The following PTPRF variants were observed in gnomAD, a reference collection of about 807,000 sequenced individuals.
The protein encoded by PTPRF is protein tyrosine phosphatase receptor type F.
In PTPRF, 59 loss-of-function variants were observed where a neutral mutation model predicts 201.8. The ratio of observed to expected loss-of-function variants is 0.29; its 90% CI spans 0.24 to 0.36. The LOEUF (loss-of-function observed/expected upper bound fraction) is 0.36. Ranked by LOEUF, PTPRF falls within the 10% of genes least tolerant of loss-of-function variation. The pLI, the probability that PTPRF is intolerant of heterozygous loss-of-function variation, is 1.00. For synonymous variants in PTPRF, 1,088 were observed against 1,089.7 expected, an observed-to-expected ratio of 1.00 and a Z score of 0.03; for missense variants, 2,132 against 2,690.5, an observed-to-expected ratio of 0.79 and a Z score of 4.59.
intron 11 of PTPRF, among the ~76,000 whole-genome samples, chr1:43,596,571 C>T (rs1034792597): frequency 5.3e-5 from 8 of 152,146 alleles, no homozygotes; most frequent in African/African-American, 1.9e-4. Context: ...TTTTTCTCCA[C>T]GCCAGGGGCT....
chr1:43,569,710 C>A lies in PTPRF; in HGVS notation c.500C>A (p.Ser167Tyr). The change falls in exon 6 of 34, where the codon TCT (serine) becomes TAT (tyrosine). Residue 167 changes from serine to tyrosine, a missense_variant. Ser to Tyr is a moderately radical substitution (Grantham distance 144). Coordinates refer to ENST00000359947, the MANE Select transcript of PTPRF (RefSeq NM_002840.5). Reference protein sequence around the residue: ...AAGGNPDPEISWFKDFLPVDP... With the variant: ...AAGGNPDPEIYWFKDFLPVDP... The stretch of plus-strand genomic sequence containing the variant: ...GGCGGAAATCCAGACCCTGAGATTT[C>A]TTGGTTCAAGGACTTCCTTCCTGTA... 1 of 1,614,086 alleles carries A rather than the reference C, an allele frequency of 6.2e-7. No individual in the cohort carries two copies. The highest frequency in any genetic ancestry group is 1.1e-5 in the South Asian group (1 of 91,070).
At position 43,589,019 on chromosome 1, in the gene PTPRF, G is replaced by A. The variant is rs748263180; in HGVS notation, c.949+19G>A. The A allele has an allele frequency of 2.0e-6, 3 of 1,526,340 alleles. No individual in the cohort carries two copies. Among genetic ancestry groups the A allele is most frequent in the Non-Finnish European group, 2.6e-6 (3 of 1,132,352 alleles). 94.5% of individuals were successfully genotyped at this position (1,526,340 alleles called of 1,614,324 possible). ...GTGAAAGGTGAGTGTGGCAGGTGCTGTAACCAGTGCCCTCCCTGTCATCTG... is the reference window on the plus strand; with the variant it reads ...GTGAAAGGTGAGTGTGGCAGGTGCTATAACCAGTGCCCTCCCTGTCATCTG... On this transcript the variant is annotated intron_variant, in intron 8 of 33. Coordinates refer to ENST00000359947, the MANE Select transcript of PTPRF (RefSeq NM_002840.5).
At chr1:43,594,915 G>C (rs1333307782) in intron 11 of PTPRF, among the ~76,000 whole-genome samples, 2 of 152,184 alleles carry the variant, frequency 1.3e-5, no homozygotes, top group Non-Finnish European at 2.9e-5. Flanking sequence ...GGAAATCAGG[G>C]GAGGGGAGCG....
rs143564361 is a variant in PTPRF at position 43,542,658 on chromosome 1, G to A, written c.-45-2373G>A. Among the ~76,000 whole-genome samples, 5 of 152,194 alleles carry A rather than the reference G, an allele frequency of 3.3e-5. No homozygotes were observed. Among genetic ancestry groups the A allele is most frequent in the Admixed American group, 3.3e-4 (5 of 15,296 alleles). On this transcript the variant is annotated intron_variant, in intron 2 of 33. Transcript: ENST00000359947. The surrounding 1 kb of genome is among the most constrained non-coding windows in gnomAD (Gnocchi z 5.2). The stretch of plus-strand genomic sequence containing the variant: ...GTCTGTAACAGCACGTTACACCTCT[G>A]CTAATGTATGGGGAGTTGCACCCCT...
intron 5 of PTPRF, among the ~76,000 whole-genome samples, chr1:43,557,187 T>C (rs546369932): frequency 2.1e-4 from 32 of 152,316 alleles, no homozygotes; most frequent in South Asian, 1.7e-3. Context: ...CTTGTTAGTA[T>C]TGAAAGAGGA....
chr1:43,568,382 C>T (rs1646334758), intron 5 of PTPRF, among the ~76,000 whole-genome samples: 1 of 152,210 alleles, frequency 6.6e-6, no homozygotes, highest in South Asian at 2.1e-4. Context: ...AGGGAGTTCC[C>T]GACTCTAGTC....
chr1:43,592,570 C>A lies in PTPRF; in HGVS notation c.1782C>A (p.Thr594=). Residue 594 remains threonine, a synonymous_variant, in exon 11 of 34, where the codon ACC becomes ACA. Transcript: ENST00000359947. ...CGGATATGGGGGTGGGCGTCTTCAC[C>A]CCCACCATTGAGGCCCGCACAGCCC... ...ARSDMGVGVF[T]PTIEARTAQS... The A allele has an allele frequency of 6.2e-7, 1 of 1,607,152 alleles. No homozygotes were observed. The highest frequency in any genetic ancestry group is 1.1e-5 in the South Asian group (1 of 90,134).
Position 43,545,153 on chromosome 1 carries a change from C to A in PTPRF, c.78C>A (p.Gly26=). 1.9e-6 allele frequency: 3 copies of A among 1,580,470 alleles called. No homozygotes were observed. Among genetic ancestry groups the A allele is most frequent in the Non-Finnish European group, 2.6e-6 (3 of 1,162,836 alleles). Residue 26 remains glycine, a synonymous_variant, in exon 3 of 34, where the codon GGC becomes GGA. Coordinates refer to ENST00000359947, the MANE Select transcript of PTPRF (RefSeq NM_002840.5). The stretch of plus-strand genomic sequence containing the variant: ...TGGTGATGCTTGGTTTGGTGGCAGG[C>A]GCCCATGGTGACAGTAAGTCTGACC... ...PALVMLGLVA[G]AHGDSKPVFI...
At chr1:43,522,075 C>T (rs1642972252), upstream of PTPRF, among the ~76,000 whole-genome samples, 1 of 152,216 alleles carries the variant, frequency 6.6e-6, no homozygotes, top group Non-Finnish European at 1.5e-5. Context: ...CTTCCAAGAA[C>T]ATGGCCTGAA....
chr1:43,532,442 T>G (rs1318787034), intron 1 of PTPRF: 1 of 153,624 alleles, frequency 6.5e-6, no homozygotes, highest in Middle Eastern at 1.5e-3. Context: ...AAGGCTCCAC[T>G]TTTGAAGGAA....
Position 43,606,447 on chromosome 1 carries a change from C to A in PTPRF, c.3691C>A (p.Pro1231Thr). 1 of 1,613,368 alleles carries A rather than the reference C, an allele frequency of 6.2e-7. No homozygotes were observed. Among genetic ancestry groups the A allele is most frequent in the Non-Finnish European group, 8.5e-7 (1 of 1,179,628 alleles). Residue 1231 changes from proline (P) to threonine (T), a missense_variant, in exon 20 of 34, where the codon CCC (proline) becomes ACC (threonine). By Grantham distance (38) the Pro-to-Thr change is conservative (BLOSUM62 -1). Transcript: ENST00000359947. ...CTTTGTGCTTGCCTCCTTGAAGGAA[C>A]CCATGGACCAGGTCTGCCTGAGCCG... ...QCFVLASLKE[P>T]MDQKRYASSP...
Position 43,620,931 on chromosome 1 carries a change from G to A in PTPRF, c.5458G>A (p.Gly1820Arg). The A allele has an allele frequency of 3.7e-6, 6 of 1,614,192 alleles. No individual in the cohort carries two copies. The highest frequency in any genetic ancestry group is 5.1e-6 in the Non-Finnish European group (6 of 1,180,024). ...KTGEGFIDFI[G>R]QVHKTKEQFG... ...AGGCGAGGGATTCATTGACTTCATC[G>A]GGCAGGTGCATAAGACCAAGGAGCA... The change falls in exon 32 of 34, where the codon GGG (glycine) becomes AGG (arginine). Residue 1820 changes from glycine to arginine, a missense_variant. Coordinates refer to ENST00000359947, the MANE Select transcript of PTPRF (RefSeq NM_002840.5).
At chr1:43,547,690 A>G (rs1644767360) in intron 3 of PTPRF, among the ~76,000 whole-genome samples, 2 of 152,238 alleles carry the variant, frequency 1.3e-5, no homozygotes, top group Non-Finnish European at 2.9e-5. Context: ...TAACGAGACA[A>G]ATGAATGGGG....
At chr1:43,572,902 AGCAGCTG>A (rs1399318752) in intron 6 of PTPRF, among the ~76,000 whole-genome samples, 10 of 152,018 alleles carry the variant, frequency 6.6e-5, no homozygotes, top group Non-Finnish European at 1.2e-4. Flanking sequence ...GGACCTGAGG[AGCAGCTG>A]GACCCTTCTG....
rs1270361628 is a variant in PTPRF at position 43,603,121 on chromosome 1, T to A, written c.2341-295T>A. On this transcript the variant is annotated intron_variant, in intron 14 of 33. Coordinates refer to ENST00000359947, the MANE Select transcript of PTPRF (RefSeq NM_002840.5). This position sits in a 1 kb window ranked among gnomAD's most constrained non-coding sequence, Gnocchi z 5.8. ...GCCCTGTTGATATCCTCAGTCTCCG[T>A]TCACAGCACAGTGGAGTGAGGGAAA... Among the ~76,000 whole-genome samples the A allele has an allele frequency of 6.6e-6, 1 of 152,142 alleles. No individual in the cohort carries two copies. Among genetic ancestry groups the A allele is most frequent in the Non-Finnish European group, 1.5e-5 (1 of 67,996 alleles).
intron 6 of PTPRF, among the ~76,000 whole-genome samples, 192 bp downstream of exon 6, chr1:43,569,970 C>A (rs1364330857): frequency 6.6e-6 from 1 of 152,182 alleles, no homozygotes; most frequent in Non-Finnish European, 1.5e-5. Flanking sequence ...TGTGCCGTTA[C>A]CTTCTTCGGA....
intron 11 of PTPRF, among the ~76,000 whole-genome samples, chr1:43,597,350 G>T (rs1652575887): frequency 6.6e-6 from 1 of 151,950 alleles, no homozygotes. Context: ...CACTATGTAT[G>T]TGTGTGACAC....
chr1:43,553,830 G>A lies in PTPRF; in HGVS notation c.268G>A (p.Val90Met). The A allele has an allele frequency of 6.2e-7, 1 of 1,614,212 alleles. No individual in the cohort carries two copies. Among genetic ancestry groups the A allele is most frequent in the Non-Finnish European group, 8.5e-7 (1 of 1,180,044 alleles). Residue 90 changes from valine (V) to methionine (M), a missense_variant, in exon 5 of 34, where the codon GTG becomes ATG. This residue lies in a region of PTPRF where 297 missense variants were observed against 454.0 expected (regional missense o/e 0.65). Transcript: ENST00000359947. This position sits in a 1 kb window ranked among gnomAD's most constrained non-coding sequence, Gnocchi z 4.1. Reference sequence around the variant, plus strand: ...TGAGTTTGATGATGGGGCAGGGTCAGTGCTTCGGATCCAGCCATTGCGGGT... The same window carrying A: ...TGAGTTTGATGATGGGGCAGGGTCAATGCTTCGGATCCAGCCATTGCGGGT... ...VIEFDDGAGS[V>M]LRIQPLRVQR...
intron 22 of PTPRF, among the ~76,000 whole-genome samples, chr1:43,612,479 GT>G (rs1268343333): frequency 1.1e-4 from 17 of 152,154 alleles, no homozygotes; most frequent in Admixed American, 2.6e-4. Flanking sequence ...TTGGACTTAA[GT>G]ATTTAGTCAT....
Sources: allele counts gnomAD v4.1 joint callset (sites outside exome capture counted in the v4.1 genomes callset), GRCh38; gene constraint gnomAD v4.1.1; regional missense constraint gnomAD v4.1.1; non-coding constraint Gnocchi (gnomAD v3.1); transcripts MANE v1.5; gene names NCBI Gene and HGNC (gene_info 2026-07-23, HGNC 2026-07-21).